RASGRP3: variants seen among roughly 807,000 people sequenced by gnomAD.
The protein encoded by RASGRP3 is RAS guanyl releasing protein 3, also known as ras guanyl-releasing protein 3.
In RASGRP3, 54 loss-of-function variants were observed where a neutral mutation model predicts 82.7. That is an observed-to-expected ratio of 0.65 (90% confidence interval 0.52 to 0.82). RASGRP3 has a LOEUF of 0.82. RASGRP3 is among the 40% of genes least tolerant of loss of function. The pLI is 0.00. For synonymous variants in RASGRP3, 309 were observed against 300.5 expected (o/e 1.03, Z -0.29); for missense variants, 861 against 828.9 (o/e 1.04, Z -0.48).
intron 1 of RASGRP3, chr2:33,482,672 T>C (rs1374040899): frequency 6.6e-6 from 1 of 152,262 alleles, no homozygotes; most frequent in Admixed American, 6.5e-5. Flanking sequence ...GACGCTTCAC[T>C]ATCTGTCAGT....
intron 11 of RASGRP3, among the ~76,000 whole-genome samples, chr2:33,535,262 A>G (rs1453855021): frequency 6.6e-6 from 1 of 152,220 alleles, no homozygotes; most frequent in Non-Finnish European, 1.5e-5. Flanking sequence ...GCATTATTGA[A>G]TATACACCAC....
chr2:33,523,031 AT>A (rs1020914913), intron 7 of RASGRP3, among the ~76,000 whole-genome samples: 9 of 151,996 alleles, frequency 5.9e-5, no homozygotes, highest in South Asian at 4.2e-4. Flanking sequence ...ACTTCAATTA[AT>A]TTTTTTTCTT....
At chr2:33,551,559 G>A (rs1396768513) in intron 14 of RASGRP3, among the ~76,000 whole-genome samples, 2 of 152,010 alleles carry the variant, frequency 1.3e-5, no homozygotes, top group African/African-American at 2.4e-5. Flanking sequence ...TCAAGGTCCC[G>A]GGTGCTGTGG....
At chr2:33,547,342 C>A in intron 13 of RASGRP3, among the ~76,000 whole-genome samples, 1 of 68,208 alleles carries the variant, frequency 1.5e-5, no homozygotes, top group East Asian at 5.0e-4. Flanking sequence ...ATATAGAATC[C>A]TTTTTTTTTT....
upstream of RASGRP3, among the ~76,000 whole-genome samples, chr2:33,475,974 C>T (rs769023797): frequency 3.5e-4 from 53 of 152,206 alleles, no homozygotes; most frequent in Non-Finnish European, 6.3e-4. Flanking sequence ...CTAAAGCTAC[C>T]TGAAATCACT....
intron 1 of RASGRP3, among the ~76,000 whole-genome samples, chr2:33,478,347 C>A (rs1667563843): frequency 6.6e-6 from 1 of 152,132 alleles, no homozygotes. Flanking sequence ...CAGCCCGCGG[C>A]CATGTGGTCT....
At chr2:33,518,568 A>G (rs1057124163) in intron 4 of RASGRP3, among the ~76,000 whole-genome samples, 1 of 152,208 alleles carries the variant, frequency 6.6e-6, no homozygotes, top group Non-Finnish European at 1.5e-5. Context: ...ACCTTAGCTT[A>G]CTGTAACTTT....
At chr2:33,499,230 C>A (rs1446179525) in intron 1 of RASGRP3, among the ~76,000 whole-genome samples, 1 of 152,104 alleles carries the variant, frequency 6.6e-6, no homozygotes, top group East Asian at 1.9e-4. Flanking sequence ...GTCTCCCTGG[C>A]TTTGTCCAGA....
intron 2 of RASGRP3, among the ~76,000 whole-genome samples, chr2:33,460,856 C>T (rs772836566): frequency 2.6e-5 from 4 of 152,096 alleles, no homozygotes; most frequent in Non-Finnish European, 4.4e-5. Context: ...ACACAGGAGT[C>T]CTGCTCATCT....
chr2:33,522,020 G>A lies in RASGRP3; in HGVS notation c.434G>A (p.Cys145Tyr), dbSNP rs992652466. ...RKKVSKKGKA[C>Y]LLFDHLEPIE... ...AAAGTATCCAAGAAGGGAAAAGCCT[G>A]TCTGCTGTTTGACCATCTGGAGCCC... Residue 145 changes from cysteine (C) to tyrosine (Y), a missense_variant, in exon 7 of 18, where the codon TGT becomes TAT. Transcript: ENST00000403687. 1.9e-6 allele frequency: 3 copies of A among 1,613,806 alleles called. No individual in the cohort carries two copies. The highest frequency in any genetic ancestry group is 4.5e-5 in the East Asian group (2 of 44,874).
chr2:33,467,754 G>T (rs1279831719), intron 2 of RASGRP3, among the ~76,000 whole-genome samples: 2 of 152,142 alleles, frequency 1.3e-5, no homozygotes, highest in Non-Finnish European at 2.9e-5. Flanking sequence ...ATATGAGATT[G>T]GTACCTTTTG....
At position 33,562,827 on chromosome 2, in the gene RASGRP3, T is replaced by TTA. The variant is rs1405365222; in HGVS notation, c.*92_*93dup. 10 of 1,507,482 alleles carry TTA rather than the reference T, an allele frequency of 6.6e-6. No homozygotes were observed. The highest frequency in any genetic ancestry group is 8.3e-6 in the Non-Finnish European group (9 of 1,088,422). 93.4% of individuals were successfully genotyped at this position (1,507,482 alleles called of 1,614,324 possible). On this transcript the variant is annotated 3_prime_UTR_variant, in exon 18 of 18. Transcript: ENST00000403687. Reference sequence around the variant, plus strand: ...GAAGAAAGCTCTGACTCTCAGGAAGTTATCTGGAAAGATACCTGGATGTTT... The same window carrying TTA: ...GAAGAAAGCTCTGACTCTCAGGAAGTTATATCTGGAAAGATACCTGGATGTTT...
chr2:33,543,657 C>CA, intron 13 of RASGRP3, 30 bp downstream of exon 13: 1 of 1,422,752 alleles, frequency 7.0e-7, no homozygotes, highest in South Asian at 1.2e-5. Context: ...TATTTTAATG[C>CA]AACTATCCTA....
intron 13 of RASGRP3, 34 bp downstream of exon 13, chr2:33,543,661 T>C (rs369725089): frequency 2.9e-5 from 41 of 1,394,458 alleles, no homozygotes; most frequent in Non-Finnish European, 4.1e-5. Flanking sequence ...TTAATGCAAC[T>C]ATCCTAAAGC....
intron 7 of RASGRP3, among the ~76,000 whole-genome samples, 155 bp from the exon 8 acceptor site, chr2:33,523,724 T>C (rs568524669): frequency 6.6e-6 from 1 of 152,320 alleles, no homozygotes; most frequent in Admixed American, 6.5e-5. Flanking sequence ...TAAAGACACA[T>C]GTATATTCAA....
intron 2 of RASGRP3, among the ~76,000 whole-genome samples, chr2:33,455,728 T>G (rs1666003090): frequency 6.6e-6 from 1 of 152,230 alleles, no homozygotes; most frequent in Non-Finnish European, 1.5e-5. Context: ...AACCAAGTTT[T>G]GCAGACTCTA....
chr2:33,451,487 C>T (rs974922184), intron 2 of RASGRP3, among the ~76,000 whole-genome samples: 17 of 152,220 alleles, frequency 1.1e-4, no homozygotes, highest in Middle Eastern at 6.8e-3. Context: ...ATTGCCGAGA[C>T]CAATGACAAG....
intron 2 of RASGRP3, among the ~76,000 whole-genome samples, chr2:33,456,147 G>A (rs1456102547): frequency 2.0e-5 from 3 of 152,058 alleles, no homozygotes. Flanking sequence ...CTTCAGAAAA[G>A]CAGTTAAAAG....
chr2:33,446,197 G>A (rs1231222558), intron 1 of RASGRP3, among the ~76,000 whole-genome samples: 1 of 152,084 alleles, frequency 6.6e-6, no homozygotes, highest in Non-Finnish European at 1.5e-5. Context: ...TCGCTCTGTC[G>A]CCCAGGCTGG....
Sources: allele counts gnomAD v4.1 joint callset (sites outside exome capture counted in the v4.1 genomes callset), GRCh38; gene constraint gnomAD v4.1.1; transcripts MANE v1.5; gene names NCBI Gene and HGNC (gene_info 2026-07-23, HGNC 2026-07-21).